The following SMCO2 variants were observed in gnomAD, a reference collection of about 807,000 sequenced individuals.
The protein encoded by SMCO2 is single-pass membrane protein with coiled-coil domains 2, also known as single-pass membrane and coiled-coil domain-containing protein 2.
A neutral mutation model predicts 29.5 loss-of-function variants in SMCO2; 25 were observed. That is an observed-to-expected ratio of 0.85 (90% CI 0.62 to 1.18). The LOEUF is 1.18. Among genes scored for constraint, SMCO2 ranks in the 50% most tolerant of loss-of-function variants. The pLI is 0.00. For synonymous variants in SMCO2, 117 were observed against 123.3 expected (o/e 0.95, Z 0.34); for missense variants, 348 against 344.5 (o/e 1.01, Z -0.08).
At chr12:27,427,655 A>AG in the SMCO2 span, among the ~76,000 whole-genome samples, 2 of 152,150 alleles carry the variant, frequency 1.3e-5, no homozygotes, top group Admixed American at 6.5e-5. Flanking sequence ...GGAGCCAGAG[A>AG]GGGGAAGGGA....
intron 7 of SMCO2, among the ~76,000 whole-genome samples, chr12:27,501,426 AAAAAAAAAAAAC>A (rs1943075371): frequency 7.0e-6 from 1 of 143,320 alleles, no homozygotes; most frequent in South Asian, 2.1e-4. Context: ...AAAAAAAAAA[AAAAAAAAAAAAC>A]AAACAAACAA....
intron 4 of SMCO2, among the ~76,000 whole-genome samples, chr12:27,488,125 A>G (rs1949705033): frequency 6.6e-6 from 1 of 152,294 alleles, no homozygotes; most frequent in Middle Eastern, 3.4e-3. Flanking sequence ...TACAGATTAT[A>G]TAATTGATGT....
the SMCO2 span, among the ~76,000 whole-genome samples, chr12:27,454,994 A>G: frequency 8.5e-5 from 13 of 152,332 alleles, no homozygotes; most frequent in Admixed American, 4.6e-4. Context: ...TCTTTTAATC[A>G]ATTCCTATCG....
chr12:27,487,518 A>G (rs1949698674), intron 4 of SMCO2, among the ~76,000 whole-genome samples: 1 of 152,208 alleles, frequency 6.6e-6, no homozygotes, highest in Non-Finnish European at 1.5e-5. Context: ...ATTATGAATA[A>G]AGCTGCTTTG....
chr12:27,477,215 T>G (rs1360563324), intron 4 of SMCO2, among the ~76,000 whole-genome samples: 1 of 97,662 alleles, frequency 1.0e-5, no homozygotes, highest in Admixed American at 9.9e-5. Context: ...GTCAGGTTTT[T>G]TTTTTTTTTT....
upstream of SMCO2, among the ~76,000 whole-genome samples, chr12:27,465,153 G>A (rs1383678100): frequency 6.6e-6 from 1 of 152,066 alleles, no homozygotes; most frequent in Non-Finnish European, 1.5e-5. Flanking sequence ...GCTGCTTTAG[G>A]GCATGGTCCC....
chr12:27,473,933 A>G (rs424257), intron 3 of SMCO2, among the ~76,000 whole-genome samples: 6,274 of 152,318 alleles, frequency 0.041, 174 homozygotes, highest in Non-Finnish European at 0.065. Context: ...CATGTCTTGG[A>G]TGCTTTTCTA....
At chr12:27,475,675 G>T in intron 4 of SMCO2, 2 of 1,547,946 alleles carry the variant, frequency 1.3e-6, no homozygotes, top group Non-Finnish European at 1.7e-6. Context: ...TAGACGGAAC[G>T]GAGAAAATTG....
the SMCO2 span, among the ~76,000 whole-genome samples, chr12:27,434,235 A>C: frequency 0.017 from 2,596 of 152,292 alleles, 31 homozygotes; most frequent in Non-Finnish European, 0.028. Flanking sequence ...AGGAATGCAA[A>C]TTCCTGCGCC....
the SMCO2 span, among the ~76,000 whole-genome samples, chr12:27,444,461 A>G: frequency 6.6e-6 from 1 of 152,214 alleles, no homozygotes; most frequent in African/African-American, 2.4e-5. Context: ...GTAAGACCTC[A>G]AAAGTATAGG....
At chr12:27,468,757 G>C (rs1949518274) in intron 1 of SMCO2, among the ~76,000 whole-genome samples, 1 of 152,158 alleles carries the variant, frequency 6.6e-6, no homozygotes, top group Admixed American at 6.5e-5. Flanking sequence ...TCTGAGTCCT[G>C]GCTTTACTTC....
At chr12:27,490,786 G>A (rs915502112) in intron 5 of SMCO2, among the ~76,000 whole-genome samples, 5 of 152,034 alleles carry the variant, frequency 3.3e-5, no homozygotes, top group African/African-American at 9.7e-5. Context: ...TAAAAAATTA[G>A]CCAGGCATGG....
Position 27,496,186 on chromosome 12 carries a change from A to G in SMCO2, c.683+331A>G, listed in dbSNP as rs771471273. ...GACCAAAGACCTCTTGTGGGTGGCT[A>G]TTAATGTTAATTATATTTTTAGTTA... is the stretch of plus-strand genomic sequence containing the variant. On this transcript the variant is annotated intron_variant, in intron 7 of 7. Transcript: ENST00000298876. Among the ~76,000 whole-genome samples, 7 of 150,208 alleles carry G rather than the reference A, an allele frequency of 4.7e-5. 1 individual carries two copies. Among genetic ancestry groups the G allele is most frequent in the Non-Finnish European group, 5.9e-5 (4 of 67,846 alleles).
At chr12:27,474,757 T>C in intron 3 of SMCO2, 29 bp from the exon 4 acceptor site, 6 of 1,550,930 alleles carry the variant, frequency 3.9e-6, no homozygotes, top group Non-Finnish European at 5.2e-6. Context: ...CCTTTTGTTC[T>C]GCTTTGCTTC....
intron 4 of SMCO2, among the ~76,000 whole-genome samples, chr12:27,478,770 T>C (rs532113142): frequency 7.0e-6 from 1 of 143,388 alleles, no homozygotes; most frequent in East Asian, 2.2e-4. Flanking sequence ...AGAAAGCAAG[T>C]GTTGGTACCC....
At chr12:27,470,254 G>T (rs904967049) in intron 1 of SMCO2, among the ~76,000 whole-genome samples, 2 of 151,880 alleles carry the variant, frequency 1.3e-5, no homozygotes, top group East Asian at 3.8e-4. Flanking sequence ...TTTTTCTTTT[G>T]CCCTTTTTAC....
intron 5 of SMCO2, among the ~76,000 whole-genome samples, chr12:27,490,502 T>C (rs1202274220): frequency 1.3e-5 from 2 of 152,222 alleles, no homozygotes. Context: ...AAGTGAGTTT[T>C]ACTGTATGTA....
the SMCO2 span, among the ~76,000 whole-genome samples, chr12:27,438,189 C>T: frequency 3.7e-4 from 56 of 152,320 alleles, no homozygotes; most frequent in African/African-American, 1.3e-3. Flanking sequence ...CTTCCTCCCT[C>T]AGCTTCTGTG....
upstream of SMCO2, among the ~76,000 whole-genome samples, chr12:27,466,484 G>T (rs1304262733): frequency 6.6e-6 from 1 of 152,212 alleles, no homozygotes; most frequent in African/African-American, 2.4e-5. Context: ...GTCCTTCATT[G>T]TCAGTCTTTG....
Sources: allele counts gnomAD v4.1 joint callset (sites outside exome capture counted in the v4.1 genomes callset), GRCh38; gene constraint gnomAD v4.1.1; transcripts MANE v1.5; gene names NCBI Gene and HGNC (gene_info 2026-07-23, HGNC 2026-07-21).